The following CFAP74 variants were observed in gnomAD, a reference collection of about 807,000 sequenced individuals.
CFAP74 encodes the protein cilia and flagella associated protein 74.
Under a neutral mutation model 188.9 loss-of-function variants are expected in CFAP74, and 124 were observed. That is an observed-to-expected ratio of 0.66 (90% CI 0.57 to 0.76). CFAP74 has a LOEUF of 0.76. Among genes scored for constraint, CFAP74 ranks in the 30% least tolerant of loss-of-function variants. The pLI is 0.00. For missense variants in CFAP74, 2,198 were observed against 2,165.2 expected (o/e 1.02, Z -0.30); for synonymous variants, 956 against 916.7 (o/e 1.04, Z -0.77).
At position 1,939,539 on chromosome 1, in the gene CFAP74, C is replaced by T. The variant is rs188203121; in HGVS notation, c.2877+55G>A. ...TGGAGCAGTGGCCGCTGCATCCTGT[C>T]CCCAGGACTTCCCAGCCTCACCCCT... On this transcript the variant is annotated intron_variant, in intron 24 of 38. Coordinates refer to ENST00000682832, the MANE Select transcript of CFAP74 (RefSeq NM_001304360.2). The T allele has an allele frequency of 5.8e-5, 87 of 1,490,210 alleles. No homozygotes were observed. In the East Asian group the frequency reaches 2.2e-3, roughly 37 times the overall value. 92.3% of individuals were successfully genotyped at this position (1,490,210 alleles called of 1,614,324 possible).
At chr1:1,995,632 G>A (rs184381333) in intron 1 of CFAP74, among the ~76,000 whole-genome samples, 86 of 151,550 alleles carry the variant, frequency 5.7e-4, no homozygotes, top group African/African-American at 2.0e-3. Flanking sequence ...AGAACAGGCC[G>A]GGCTCGGTGG....
chr1:1,995,597 T>C (rs1474093770), intron 1 of CFAP74, among the ~76,000 whole-genome samples: 1 of 151,166 alleles, frequency 6.6e-6, no homozygotes, highest in East Asian at 2.0e-4. Context: ...AAGGGAAGTA[T>C]ATTATCGAGT....
chr1:1,966,878 C>G (rs1182140659), intron 11 of CFAP74, among the ~76,000 whole-genome samples: 1 of 150,822 alleles, frequency 6.6e-6, no homozygotes. Flanking sequence ...GCACTGTCAC[C>G]TGGGCTAGAG....
At position 1,939,705 on chromosome 1, in the gene CFAP74, G is replaced by C. The variant is rs1386742084; in HGVS notation, c.2766C>G (p.Pro922=). The C allele has an allele frequency of 6.5e-7, 1 of 1,536,122 alleles. No individual in the cohort carries two copies. The highest frequency in any genetic ancestry group is 1.2e-5 in the South Asian group (1 of 84,066). The change falls in exon 24 of 39, where the codon CCC becomes CCG. Residue 922 remains proline, a synonymous_variant. Coordinates refer to ENST00000682832, the MANE Select transcript of CFAP74 (RefSeq NM_001304360.2). ...TGCAGTAGCCAAAATCCACCTCCGAGGGACTGAGCTCCAGGTCCGAGGTGG... is the reference window on the plus strand; with the variant it reads ...TGCAGTAGCCAAAATCCACCTCCGACGGACTGAGCTCCAGGTCCGAGGTGG... ...IVTTSDLELS[P]SEVDFGYCTI...
chr1:1,945,420 G>A (rs1653682875), intron 20 of CFAP74, among the ~76,000 whole-genome samples: 1 of 152,188 alleles, frequency 6.6e-6, no homozygotes, highest in Non-Finnish European at 1.5e-5. Flanking sequence ...GCTGTGAGGT[G>A]AGCCGAGGAC....
chr1:1,971,338 C>A (rs1004190307), intron 9 of CFAP74, among the ~76,000 whole-genome samples: 1 of 151,766 alleles, frequency 6.6e-6, no homozygotes, highest in Admixed American at 6.6e-5. Context: ...CACCTGCACA[C>A]ACGTGCACAC....
intron 14 of CFAP74, among the ~76,000 whole-genome samples, chr1:1,962,211 G>A (rs983009875): frequency 6.6e-6 from 1 of 152,160 alleles, no homozygotes; most frequent in Non-Finnish European, 1.5e-5. Context: ...TGTGGCTCAC[G>A]CCTGTAATCC....
At chr1:1,925,291 A>G (rs1305939714) in intron 33 of CFAP74, among the ~76,000 whole-genome samples, 1 of 140,924 alleles carries the variant, frequency 7.1e-6, no homozygotes, top group African/African-American at 2.8e-5. Flanking sequence ...CGCTGGTGCA[A>G]AGGCATGAGG....
chr1:1,995,084 G>A (rs536533514), intron 1 of CFAP74, among the ~76,000 whole-genome samples: 3 of 152,336 alleles, frequency 2.0e-5, no homozygotes, highest in African/African-American at 7.2e-5. Context: ...AGAGACCCAG[G>A]AAAGCGTGCT....
intron 6 of CFAP74, among the ~76,000 whole-genome samples, chr1:1,974,976 C>A (rs549123572): frequency 6.6e-6 from 1 of 152,222 alleles, no homozygotes; most frequent in Non-Finnish European, 1.5e-5. Context: ...CTGGAGACTG[C>A]GAACGGTTCC....
chr1:1,938,172 C>T (rs1430343430), intron 25 of CFAP74, among the ~76,000 whole-genome samples: 1 of 151,356 alleles, frequency 6.6e-6, no homozygotes, highest in African/African-American at 2.4e-5. Flanking sequence ...ACCTTACACA[C>T]CCACATACAA....
intron 1 of CFAP74, among the ~76,000 whole-genome samples, chr1:1,994,958 C>T (rs996683561): frequency 1.3e-5 from 2 of 152,164 alleles, no homozygotes; most frequent in Non-Finnish European, 2.9e-5. Context: ...GAGGCGCTGG[C>T]TGACCCTCTG....
In CFAP74 at chr1:1,988,898, C is replaced by T. The variant is rs1168636255; in HGVS notation, c.143G>A (p.Gly48Glu). 6.7e-7 allele frequency: 1 copy of T among 1,487,756 alleles called. No individual in the cohort carries two copies. Among genetic ancestry groups the T allele is most frequent in the South Asian group, 1.1e-5 (1 of 89,134 alleles). The allele number at this position is 1,487,756 out of a possible 1,614,324, so 92.2% of individuals were successfully genotyped here. Residue 48 changes from glycine (G) to glutamate (E), a missense_variant, in exon 3 of 39, where the codon GGA (glycine) becomes GAA (glutamate). Gly to Glu is a moderately conservative substitution (Grantham distance 98). Transcript: ENST00000682832. ...LQEAEDDVDP[G>E]HSSSVKELDT... The stretch of plus-strand genomic sequence containing the variant: ...CGATCCTCCGAGTTACCTGCTGTGT[C>T]CCGGGTCCACGTCATCCTCAGCTTC...
rs545602822 is a variant in CFAP74 at position 1,985,353 on chromosome 1, C to G, written c.500+33G>C. 2.6e-6 allele frequency: 4 copies of G among 1,564,988 alleles called. No homozygotes were observed. In the East Asian group the frequency reaches 9.0e-5, roughly 35 times the overall value. Reference sequence around the variant, plus strand: ...AGGACTCGCACCGTTCTGGGGCCTGCCTGCTGCCAGTCCCGGCTGCACACC... The same window carrying G: ...AGGACTCGCACCGTTCTGGGGCCTGGCTGCTGCCAGTCCCGGCTGCACACC... On this transcript the variant is annotated intron_variant, in intron 6 of 38. Coordinates refer to ENST00000682832, the MANE Select transcript of CFAP74 (RefSeq NM_001304360.2).
chr1:1,938,363 C>T (rs1001966702), intron 25 of CFAP74, among the ~76,000 whole-genome samples: 1 of 151,422 alleles, frequency 6.6e-6, no homozygotes, highest in Non-Finnish European at 1.5e-5. Flanking sequence ...CACATGCAAG[C>T]TCACACACCC....
In CFAP74 at chr1:1,942,156, C is replaced by A; in HGVS notation, c.2487G>T (p.Arg829=). The A allele has an allele frequency of 2.0e-6, 3 of 1,508,456 alleles. No homozygotes were observed. Among genetic ancestry groups the A allele is most frequent in the Non-Finnish European group, 2.6e-6 (3 of 1,133,952 alleles). The allele number at this position is 1,508,456 out of a possible 1,614,324, so 93.4% of individuals were successfully genotyped here. ...LYQDSVLVHT[R]SKAALRLKFE... ...ACTTCAGGCGCAGGGCAGCTTTCGA[C>A]CTGTGGGCGTGTCGCAGGGCACTGG... Residue 829 remains arginine (R), a splice_region_variant and synonymous_variant, in exon 22 of 39, where the codon CGG becomes CGT. Coordinates refer to ENST00000682832, the MANE Select transcript of CFAP74 (RefSeq NM_001304360.2). This position sits in a 1 kb window ranked among gnomAD's most constrained non-coding sequence, Gnocchi z 4.3.
chr1:1,942,191 C>T lies in CFAP74; in HGVS notation c.2487-35G>A. 6.8e-7 allele frequency: 1 copy of T among 1,461,170 alleles called. No homozygotes were observed. 90.5% of individuals were successfully genotyped at this position (1,461,170 alleles called of 1,614,324 possible). ...TGTCGCAGGGCACTGGGTCAGGTGC[C>T]ACAGTCGTGATTCTGTGTGCGCTCA... On this transcript the variant is annotated intron_variant, in intron 21 of 38. Transcript: ENST00000682832. The surrounding 1 kb of genome is among the most constrained non-coding windows in gnomAD (Gnocchi z 4.3).
chr1:1,929,135 T>G lies in CFAP74; in HGVS notation c.3289-253A>C, dbSNP rs145082381. Among the ~76,000 whole-genome samples the G allele has an allele frequency of 2.2e-3, 329 of 151,196 alleles. 1 individual carries two copies. The highest frequency in any genetic ancestry group is 3.9e-3 in the Non-Finnish European group (267 of 67,774). On this transcript the variant is annotated intron_variant, in intron 26 of 38. Coordinates refer to ENST00000682832, the MANE Select transcript of CFAP74 (RefSeq NM_001304360.2). ...GTCCTGTGATTGGAGGTGCTGAGAA[T>G]AGAGTCCTGGACAGGCCGGGACTGG...
chr1:1,938,264 TACAC>T (rs368067845), intron 25 of CFAP74, among the ~76,000 whole-genome samples: 31 of 144,664 alleles, frequency 2.1e-4, no homozygotes, highest in African/African-American at 7.3e-4. Flanking sequence ...CACTCAACCT[TACAC>T]ACCCACATAC....
Sources: gnomAD v4.1 joint callset for allele counts (sites outside exome capture counted in the v4.1 genomes callset) on GRCh38, gnomAD v4.1.1 for gene constraint, Gnocchi (gnomAD v3.1) non-coding constraint, MANE v1.5 for transcripts, NCBI Gene and HGNC (gene_info 2026-07-23, HGNC 2026-07-21) for gene names.